AURKAIP1: variants seen among roughly 807,000 people sequenced by gnomAD.
The protein encoded by AURKAIP1 is aurora kinase A interacting protein 1.
A neutral mutation model predicts 18.4 loss-of-function variants in AURKAIP1; 20 were observed. That is an observed-to-expected ratio of 1.09 (90% CI 0.77 to 1.58). The LOEUF (loss-of-function observed/expected upper bound fraction) is 1.58, where lower values mean the gene tolerates loss of function less well. Ranked by LOEUF, AURKAIP1 falls within the 40% of genes most tolerant of loss-of-function variation. AURKAIP1 has a pLI of 0.00. For synonymous variants in AURKAIP1, 156 were observed against 120.8 expected (o/e 1.29, Z -1.91); for missense variants, 319 against 270.7 (o/e 1.18, Z -1.25).
chr1:1,374,408 G>A lies in AURKAIP1; in HGVS notation c.90C>T (p.Gly30=), dbSNP rs1275882171. ...RPPWPVSGVL[G]SRVCGPLYST... is the part of the protein sequence containing the mutation. The stretch of plus-strand genomic sequence containing the variant: ...TGTAAAGGGGCCCGCAGACCCGGCT[G>A]CCCAGCACTCCAGAGACGGGCCAAG... The change falls in exon 3 of 4, where the codon GGC becomes GGT. Residue 30 remains glycine, a synonymous_variant. Coordinates refer to ENST00000338338, the MANE Select transcript of AURKAIP1 (RefSeq NM_017900.3). 6.8e-7 allele frequency: 1 copy of A among 1,467,008 alleles called. No individual in the cohort carries two copies. The highest frequency in any genetic ancestry group is 9.0e-7 in the Non-Finnish European group (1 of 1,115,776). The allele number at this position is 1,467,008 out of a possible 1,614,324, so 90.9% of individuals were successfully genotyped here.
At chr1:1,374,812 A>G in intron 1 of AURKAIP1, 22 bp from the exon 2 acceptor site, 1 of 1,510,162 alleles carries the variant, frequency 6.6e-7, no homozygotes, top group Non-Finnish European at 8.9e-7. Flanking sequence ...GTGCCCGTTC[A>G]GGTCAGGCGG....
chr1:1,373,983 A>G lies in AURKAIP1; in HGVS notation c.498+17T>C. 1 of 1,608,622 alleles carries G rather than the reference A, an allele frequency of 6.2e-7. No homozygotes were observed. Among genetic ancestry groups the G allele is most frequent in the Admixed American group, 1.7e-5 (1 of 59,836 alleles). On this transcript the variant is annotated intron_variant, in intron 3 of 3. Coordinates refer to ENST00000338338, the MANE Select transcript of AURKAIP1 (RefSeq NM_017900.3). ...TCAGCACTTTGCCCTCCCAGGGCCA[A>G]GCAGGGGGCCACTCACCTGCTTGCG...
chr1:1,373,981 C>G lies in AURKAIP1; in HGVS notation c.498+19G>C. On this transcript the variant is annotated intron_variant, in intron 3 of 3. Transcript: ENST00000338338. ...TCTCAGCACTTTGCCCTCCCAGGGC[C>G]AAGCAGGGGGCCACTCACCTGCTTG... The G allele has an allele frequency of 6.2e-7, 1 of 1,608,602 alleles. No homozygotes were observed. Among genetic ancestry groups the G allele is most frequent in the Non-Finnish European group, 8.5e-7 (1 of 1,179,848 alleles).
At chr1:1,374,967 C>T (rs932560682) in intron 1 of AURKAIP1, 177 bp from the exon 2 acceptor site, 1 of 518,628 alleles carries the variant, frequency 1.9e-6, no homozygotes, top group Non-Finnish European at 3.4e-6. Context: ...CCCAAGCCCC[C>T]GACGCGGGCG....
Position 1,374,388 on chromosome 1 carries a change from AG to A in AURKAIP1, c.109del (p.Leu37PhefsTer72). On this transcript the variant is annotated frameshift_variant, in exon 3 of 4. Transcript: ENST00000338338. LOFTEE classifies it high-confidence loss of function. ...GVLGSRVCGPLYSTSPAGPGR... is the reference protein window; with the variant it reads ...GVLGSRVCGPXYSTSPAGPGR... Reference sequence around the variant, plus strand: ...TGGGCCGGCCGGCGATGTGCTGTAAAGGGGCCCGCAGACCCGGCTGCCCAGC... The same window carrying A: ...TGGGCCGGCCGGCGATGTGCTGTAAAGGGCCCGCAGACCCGGCTGCCCAGC... The A allele has an allele frequency of 6.7e-7, 1 of 1,484,410 alleles. No individual in the cohort carries two copies. The allele number at this position is 1,484,410 out of a possible 1,614,324, so 92.0% of individuals were successfully genotyped here.
chr1:1,374,600 G>C, intron 2 of AURKAIP1, 105 bp downstream of exon 2: 3 of 1,405,420 alleles, frequency 2.1e-6, no homozygotes, highest in Admixed American at 4.0e-5. Flanking sequence ...GCTTAGAGGG[G>C]AAAGAGTGTG....
rs769245026 is a variant in AURKAIP1, at chr1:1,374,689, C to A, written c.52+16G>T. On this transcript the variant is annotated intron_variant, in intron 2 of 3. Coordinates refer to ENST00000338338, the MANE Select transcript of AURKAIP1 (RefSeq NM_017900.3). The stretch of plus-strand genomic sequence containing the variant: ...CAGGTGTGCATCCTCCCATCCGCCC[C>A]CGCGCGGCTTCCTACCTGCCCAAGG... The A allele has an allele frequency of 5.1e-6, 8 of 1,554,742 alleles. No homozygotes were observed. Among genetic ancestry groups the A allele is most frequent in the African/African-American group, 4.1e-5 (3 of 73,194 alleles).
rs1165910593 is a variant in AURKAIP1 at position 1,374,020 on chromosome 1, C to A, written c.478G>T (p.Gly160Ter). The change falls in exon 3 of 4, where the codon GGA (glycine) becomes TGA (stop). Residue 160 changes from glycine to a stop codon, truncating the protein, a stop_gained. Transcript: ENST00000338338. LOFTEE classifies it high-confidence loss of function. ...CTCACCTGCTTGCGTCTCAGGCGTCCCTCCTGGACCTTCCTCCGCAGGAAC... is the reference window on the plus strand; with the variant it reads ...CTCACCTGCTTGCGTCTCAGGCGTCACTCCTGGACCTTCCTCCGCAGGAAC... ...TRFLRRKVQEGRLRRKQIKFE... is the reference protein window; with the variant it reads ...TRFLRRKVQE The A allele has an allele frequency of 1.9e-6, 3 of 1,603,492 alleles. No individual in the cohort carries two copies. Among genetic ancestry groups the A allele is most frequent in the Non-Finnish European group, 2.6e-6 (3 of 1,174,990 alleles).
intron 3 of AURKAIP1, 27 bp downstream of exon 3, chr1:1,373,973 C>T (rs1411841642): frequency 1.2e-6 from 2 of 1,608,694 alleles, no homozygotes; most frequent in Non-Finnish European, 8.5e-7. Context: ...ACTTTGCCCT[C>T]CCAGGGCCAA....
chr1:1,374,820 C>T (rs1390078941), intron 1 of AURKAIP1, 30 bp from the exon 2 acceptor site: 5 of 1,484,840 alleles, frequency 3.4e-6, no homozygotes, highest in African/African-American at 1.4e-5. Context: ...TCAGGTCAGG[C>T]GGCAGCGCCT....
At chr1:1,374,933 C>G in intron 1 of AURKAIP1, 143 bp from the exon 2 acceptor site, 1 of 579,032 alleles carries the variant, frequency 1.7e-6, no homozygotes, top group South Asian at 2.2e-5. Flanking sequence ...ACTTTGCTTC[C>G]AACACAGCTC....
At position 1,373,990 on chromosome 1, in the gene AURKAIP1, G is replaced by A. The variant is rs372247089; in HGVS notation, c.498+10C>T. 41 of 1,608,534 alleles carry A rather than the reference G, an allele frequency of 2.5e-5. No homozygotes were observed. The highest frequency in any genetic ancestry group is 2.1e-4 in the South Asian group (19 of 91,070). On this transcript the variant is annotated intron_variant, in intron 3 of 3. Transcript: ENST00000338338. ...TTTGCCCTCCCAGGGCCAAGCAGGG[G>A]GCCACTCACCTGCTTGCGTCTCAGG...
chr1:1,374,122 G>A lies in AURKAIP1; in HGVS notation c.376C>T (p.Gln126Ter). 1 of 1,613,666 alleles carries A rather than the reference G, an allele frequency of 6.2e-7. No individual in the cohort carries two copies. Among genetic ancestry groups the A allele is most frequent in the Non-Finnish European group, 8.5e-7 (1 of 1,179,930 alleles). Residue 126 changes from glutamine (Q) to a stop codon, truncating the protein, a stop_gained, in exon 3 of 4, where the codon CAG becomes TAG. Transcript: ENST00000338338. LOFTEE classifies it high-confidence loss of function. ...CGGATCTTCAGCACGTTTTTGCACT[G>A]AATTTGAGGCGCATCCGCGACGCCT... ...DEGVADAPQI[Q>*]CKNVLKIRRR...
In AURKAIP1 at chr1:1,375,136, A is replaced by C; in HGVS notation, c.-35+18T>G. The stretch of plus-strand genomic sequence containing the variant: ...CCCGGCGCCCTCAGGCCTCCCGCTG[A>C]CCCTTCCCAAGCCCGACCTCGACGC... On this transcript the variant is annotated intron_variant, in intron 1 of 3. Coordinates refer to ENST00000338338, the MANE Select transcript of AURKAIP1 (RefSeq NM_017900.3). The C allele has an allele frequency of 4.7e-6, 1 of 210,568 alleles. No homozygotes were observed. The highest frequency in any genetic ancestry group is 9.7e-6 in the Non-Finnish European group (1 of 103,394). 13.0% of individuals were successfully genotyped at this position (210,568 alleles called of 1,614,324 possible). A position where few individuals can be genotyped will look rare whatever the true frequency, so the allele number is the denominator to read the frequency against.
chr1:1,373,966 T>C, intron 3 of AURKAIP1, 34 bp downstream of exon 3: 4 of 1,608,786 alleles, frequency 2.5e-6, no homozygotes, highest in Non-Finnish European at 3.4e-6. Context: ...TCTCAGCACT[T>C]TGCCCTCCCA....
chr1:1,374,595 G>C (rs1644329666), intron 2 of AURKAIP1, 110 bp downstream of exon 2: 1 of 1,397,618 alleles, frequency 7.2e-7, no homozygotes, highest in East Asian at 2.5e-5. Context: ...CGGAAGCTTA[G>C]AGGGGAAAGA....
At position 1,375,169 on chromosome 1, in the gene AURKAIP1, A is replaced by C; in HGVS notation, c.-50T>G. 2 of 168,896 alleles carry C rather than the reference A, an allele frequency of 1.2e-5. No individual in the cohort carries two copies. The highest frequency in any genetic ancestry group is 2.6e-5 in the Non-Finnish European group (2 of 78,068). 10.5% of individuals were successfully genotyped at this position (168,896 alleles called of 1,614,324 possible). Reference sequence around the variant, plus strand: ...CAAGCCCGACCTCGACGCGGCTCAAATTGACCGTTCTGCGGCCGCCCTCGG... The same window carrying C: ...CAAGCCCGACCTCGACGCGGCTCAACTTGACCGTTCTGCGGCCGCCCTCGG... On this transcript the variant is annotated 5_prime_UTR_variant, in exon 1 of 4. Coordinates refer to ENST00000338338, the MANE Select transcript of AURKAIP1 (RefSeq NM_017900.3).
Position 1,374,693 on chromosome 1 carries a change from G to C in AURKAIP1, c.52+12C>G. The stretch of plus-strand genomic sequence containing the variant: ...TGTGCATCCTCCCATCCGCCCCCGC[G>C]CGGCTTCCTACCTGCCCAAGGAACG... On this transcript the variant is annotated intron_variant, in intron 2 of 3. Coordinates refer to ENST00000338338, the MANE Select transcript of AURKAIP1 (RefSeq NM_017900.3). 6.4e-7 allele frequency: 1 copy of C among 1,555,824 alleles called. No homozygotes were observed. Among genetic ancestry groups the C allele is most frequent in the Non-Finnish European group, 8.7e-7 (1 of 1,149,616 alleles).
chr1:1,374,946 G>A (rs1644334141), intron 1 of AURKAIP1, 156 bp from the exon 2 acceptor site: 2 of 552,008 alleles, frequency 3.6e-6, no homozygotes, highest in African/African-American at 2.0e-5. Context: ...CACAGCTCGC[G>A]CCCCGAGGCT....
Sources: gnomAD v4.1 joint callset for allele counts on GRCh38, gnomAD v4.1.1 for gene constraint, MANE v1.5 for transcripts, NCBI Gene and HGNC (gene_info 2026-07-23, HGNC 2026-07-21) for gene names.